TBC1D8: variants seen among roughly 807,000 people sequenced by gnomAD.
TBC1D8 encodes the protein TBC1 domain family member 8.
TBC1D8 carries 65 observed loss-of-function variants against 118.8 expected under a neutral mutation model. That is an observed-to-expected ratio of 0.55 (90% CI 0.45 to 0.67). TBC1D8 has a LOEUF of 0.67. Ranked by LOEUF, TBC1D8 falls within the 30% of genes least tolerant of loss-of-function variation. TBC1D8 has a pLI of 0.00. For missense variants in TBC1D8, 1,376 were observed against 1,471.2 expected, an observed-to-expected ratio of 0.94 and a Z score of 1.06; for synonymous variants, 566 against 595.8, an observed-to-expected ratio of 0.95 and a Z score of 0.73.
Position 101,040,277 on chromosome 2 carries a change from A to T in TBC1D8, c.981T>A (p.Ser327Arg), listed in dbSNP as rs1209194697. 2 of 1,614,032 alleles carry T rather than the reference A, an allele frequency of 1.2e-6. No individual in the cohort carries two copies. The highest frequency in any genetic ancestry group is 1.7e-6 in the Non-Finnish European group (2 of 1,179,892). The change falls in exon 6 of 20, where the codon AGT becomes AGA. Residue 327 changes from serine (S) to arginine (R), a missense_variant. Ser to Arg is a moderately radical substitution (Grantham distance 110). Coordinates refer to ENST00000409318, the MANE Select transcript of TBC1D8 (RefSeq NM_001330348.2). ...VVDCSLWTPF[S>R]RCHTTGRMFA... ...ACATCCGCCCCGTGGTGTGACAGCG[A>T]CTGAACGGCGTCCAGAGCGAACAGT... is the stretch of plus-strand genomic sequence containing the variant.
At chr2:101,076,430 G>T (rs941405159) in intron 2 of TBC1D8, among the ~76,000 whole-genome samples, 1 of 152,230 alleles carries the variant, frequency 6.6e-6, no homozygotes, top group African/African-American at 2.4e-5. Context: ...CCTCCTGAGA[G>T]AACGCAAAAT....
At chr2:101,034,119 A>C (rs1437418077) in intron 9 of TBC1D8, among the ~76,000 whole-genome samples, 3 of 152,158 alleles carry the variant, frequency 2.0e-5, no homozygotes, top group Admixed American at 1.3e-4. Flanking sequence ...AGCTGAGATC[A>C]CACCACTGCA....
At position 101,080,534 on chromosome 2, in the gene TBC1D8, A is replaced by G. The variant is rs146369910; in HGVS notation, c.283+9675T>C. ...CAAGATGCCACCCATGGTCAAGGGC[A>G]GGGACAAGAGAATGTGCGTCAGAAA... On this transcript the variant is annotated intron_variant, in intron 2 of 19. Transcript: ENST00000409318. Among the ~76,000 whole-genome samples the G allele has an allele frequency of 8.0e-3, 1,218 of 152,294 alleles. 19 individuals are homozygous for G. Among genetic ancestry groups the G allele is most frequent in the African/African-American group, 0.027 (1,133 of 41,546 alleles).
intron 5 of TBC1D8, among the ~76,000 whole-genome samples, chr2:101,043,198 T>C (rs1168309755): frequency 6.6e-6 from 1 of 152,192 alleles, no homozygotes; most frequent in Non-Finnish European, 1.5e-5. Flanking sequence ...GACTACTGTT[T>C]CCACGGGCGC....
In TBC1D8 at chr2:101,007,629, A is replaced by C; in HGVS notation, c.*192T>G. ...AGGGAACCAATGGATACCTTAGGGC[A>C]CTGACAATTCTCAATACATAGAAAT... On this transcript the variant is annotated 3_prime_UTR_variant, in exon 20 of 20. Transcript: ENST00000409318. 1 of 619,068 alleles carries C rather than the reference A, an allele frequency of 1.6e-6. No individual in the cohort carries two copies. 38.3% of individuals were successfully genotyped at this position (619,068 alleles called of 1,614,324 possible).
At position 101,151,191 on chromosome 2, in the gene TBC1D8, C is replaced by A; in HGVS notation, c.63G>T (p.Lys21Asn). The change falls in exon 1 of 20, where the codon AAG becomes AAT. Residue 21 changes from lysine to asparagine, a missense_variant. Lys to Asn is a moderately conservative substitution (Grantham distance 94). Transcript: ENST00000409318. ...KNALKLWVTQ[K>N]SSCYFILQRR... ...GCTGCAGGATGAAGTAGCAGCTGCT[C>A]TTCTGGGTCACCCAGAGCTTCAGCG... 1 of 1,259,248 alleles carries A rather than the reference C, an allele frequency of 7.9e-7. No homozygotes were observed. Among genetic ancestry groups the A allele is most frequent in the Non-Finnish European group, 1.0e-6 (1 of 976,736 alleles). 78.0% of individuals were successfully genotyped at this position (1,259,248 alleles called of 1,614,324 possible). A position where few individuals can be genotyped will look rare whatever the true frequency, so the allele number is the denominator to read the frequency against.
chr2:101,147,165 T>C (rs1287138999), intron 1 of TBC1D8, among the ~76,000 whole-genome samples: 3 of 152,152 alleles, frequency 2.0e-5, no homozygotes, highest in Non-Finnish European at 2.9e-5. Flanking sequence ...TTCTTTCGTA[T>C]AGTTGAATAG....
intron 15 of TBC1D8, among the ~76,000 whole-genome samples, chr2:101,024,883 A>G (rs531252711): frequency 6.6e-6 from 1 of 152,328 alleles, no homozygotes; most frequent in Non-Finnish European, 1.5e-5. Flanking sequence ...CGGAAGCAAC[A>G]CAAATGTCAC....
intron 19 of TBC1D8, among the ~76,000 whole-genome samples, chr2:101,009,035 T>C (rs935487893): frequency 4.6e-5 from 7 of 152,132 alleles, no homozygotes; most frequent in African/African-American, 1.7e-4. Flanking sequence ...AAATTGAGAA[T>C]ACGTAATGTG....
chr2:101,084,096 C>A (rs1482006061), intron 2 of TBC1D8, among the ~76,000 whole-genome samples: 1 of 152,132 alleles, frequency 6.6e-6, no homozygotes, highest in Non-Finnish European at 1.5e-5. Flanking sequence ...GCAGAAATTG[C>A]GCCCAGTGGG....
In TBC1D8 at chr2:101,022,505, C is replaced by T. The variant is rs1680098420; in HGVS notation, c.2537G>A (p.Ser846Asn). 6.3e-7 allele frequency: 1 copy of T among 1,595,342 alleles called. No homozygotes were observed. Among genetic ancestry groups the T allele is most frequent in the Non-Finnish European group, 8.5e-7 (1 of 1,175,162 alleles). ...YDLFKREHMM[S>N]CYWEQPRPMA... ...GGGCCTGGGCTGCTCCCAGTAACAG[C>T]TCATCATATGTTCTCTCTTCAAACA... The change falls in exon 16 of 20, where the codon AGC (serine) becomes AAC (asparagine). Residue 846 changes from serine (S) to asparagine (N), a missense_variant. Ser to Asn is a conservative substitution (Grantham distance 46). Coordinates refer to ENST00000409318, the MANE Select transcript of TBC1D8 (RefSeq NM_001330348.2).
chr2:101,068,030 G>A (rs1228012043), intron 2 of TBC1D8, among the ~76,000 whole-genome samples: 1 of 152,140 alleles, frequency 6.6e-6, no homozygotes, highest in Non-Finnish European at 1.5e-5. Flanking sequence ...CTCCTCATTC[G>A]TTCAAGTTTA....
intron 2 of TBC1D8, among the ~76,000 whole-genome samples, chr2:101,089,028 A>C (rs1469569376): frequency 6.6e-6 from 1 of 152,174 alleles, no homozygotes; most frequent in East Asian, 1.9e-4. Context: ...AATTCTCTTC[A>C]CACTTCTTGT....
At chr2:101,061,574 T>A (rs889898058) in intron 2 of TBC1D8, among the ~76,000 whole-genome samples, 5 of 152,200 alleles carry the variant, frequency 3.3e-5, no homozygotes, top group South Asian at 2.1e-4. Context: ...CAGCCCAGGC[T>A]TCTCTCTGCC....
At chr2:101,026,563 C>T (rs1680348550) in intron 15 of TBC1D8, among the ~76,000 whole-genome samples, 1 of 152,182 alleles carries the variant, frequency 6.6e-6, no homozygotes, top group African/African-American at 2.4e-5. Context: ...TTCAATCGTG[C>T]TGGGAACCTG....
chr2:101,061,154 A>C (rs2105425699), intron 2 of TBC1D8, among the ~76,000 whole-genome samples: 1 of 140,432 alleles, frequency 7.1e-6, no homozygotes, highest in African/African-American at 2.7e-5. Flanking sequence ...CGCCATTGCA[A>C]TCCAGCCTGG....
At chr2:101,124,411 T>C (rs1678264034) in intron 1 of TBC1D8, among the ~76,000 whole-genome samples, 1 of 152,132 alleles carries the variant, frequency 6.6e-6, no homozygotes, top group Non-Finnish European at 1.5e-5. Flanking sequence ...GCTATAAGGG[T>C]TGCTTGCAGG....
Position 101,052,479 on chromosome 2 carries a change from C to CTTTT in TBC1D8, c.631+1625_631+1628dup, listed in dbSNP as rs3043690. Among the ~76,000 whole-genome samples the CTTTT allele has an allele frequency of 7.2e-5, 10 of 138,814 alleles. 1 individual carries two copies. The highest frequency in any genetic ancestry group is 1.5e-4 in the Admixed American group (2 of 13,618). The allele number at this position is 138,814 out of a possible 152,430, so 91.1% of individuals were successfully genotyped here. ...TAGGAATCATTTATTTTTCCTAAATCTTTTTTTTTTTTTTTGAGGCGGAGT... is the reference window on the plus strand; with the variant it reads ...TAGGAATCATTTATTTTTCCTAAATCTTTTTTTTTTTTTTTTTTTGAGGCGGAGT... On this transcript the variant is annotated intron_variant, in intron 4 of 19. Transcript: ENST00000409318.
rs755619666 is a variant in TBC1D8, at chr2:101,054,093, C to A, written c.631+15G>T. 2 of 1,598,786 alleles carry A rather than the reference C, an allele frequency of 1.3e-6. No individual in the cohort carries two copies. Among genetic ancestry groups the A allele is most frequent in the South Asian group, 2.2e-5 (2 of 89,218 alleles). ...GCCAACTTTATCTTGGAAGAGCCTG[C>A]CAGGCCTCACTTACGTTCCTTGCCC... On this transcript the variant is annotated intron_variant, in intron 4 of 19. Transcript: ENST00000409318.
Sources: allele counts gnomAD v4.1 joint callset (sites outside exome capture counted in the v4.1 genomes callset), GRCh38; gene constraint gnomAD v4.1.1; transcripts MANE v1.5; gene names NCBI Gene and HGNC (gene_info 2026-07-23, HGNC 2026-07-21).